Variants in TFEC observed in about 807,000 individuals in gnomAD.
TFEC encodes transcription factor EC.
A neutral mutation model predicts 41.6 loss-of-function variants in TFEC; 31 were observed. The observed-to-expected ratio is 0.74, with a 90% CI of 0.56 to 1.01. The LOEUF is 1.01. TFEC is among the 50% of genes least tolerant of loss of function. TFEC has a pLI of 0.00. For synonymous variants in TFEC, 143 were observed against 140.6 expected (o/e 1.02, Z -0.12); for missense variants, 402 against 404.1 (o/e 0.99, Z 0.04).
intron 3 of TFEC, among the ~76,000 whole-genome samples, chr7:116,090,601 C>T (rs1184300504): frequency 6.6e-6 from 1 of 152,000 alleles, no homozygotes; most frequent in Non-Finnish European, 1.5e-5. Context: ...AAAATGAGGT[C>T]CCGTCACTTA....
intron 1 of TFEC, among the ~76,000 whole-genome samples, chr7:116,126,864 A>C (rs996378887): frequency 2.0e-5 from 3 of 152,112 alleles, no homozygotes; most frequent in South Asian, 2.1e-4. Context: ...TGGGTACACA[A>C]AACAACCTGT....
intron 3 of TFEC, among the ~76,000 whole-genome samples, chr7:116,086,014 C>G (rs1046572653): frequency 1.3e-5 from 2 of 151,632 alleles, no homozygotes; most frequent in African/African-American, 4.8e-5. Context: ...TCTTTCAGAG[C>G]CTGTGGTTGT....
chr7:115,962,948 C>A (rs1792639370), intron 3 of TFEC, among the ~76,000 whole-genome samples: 1 of 151,832 alleles, frequency 6.6e-6, no homozygotes, highest in Non-Finnish European at 1.5e-5. Flanking sequence ...GTTTGCTGCA[C>A]CCATAAACTT....
intron 3 of TFEC, among the ~76,000 whole-genome samples, chr7:116,095,453 C>A (rs535099001): frequency 6.6e-6 from 1 of 152,148 alleles, no homozygotes; most frequent in Admixed American, 6.5e-5. Flanking sequence ...TACACATATA[C>A]ATACACACAT....
At chr7:116,099,511 C>T (rs12673240) in intron 3 of TFEC, among the ~76,000 whole-genome samples, 54,156 of 151,990 alleles carry the variant, frequency 0.36, 10,109 homozygotes, top group East Asian at 0.69. Context: ...TTTAAAATAA[C>T]TTCCACATTA....
intron 1 of TFEC, among the ~76,000 whole-genome samples, chr7:116,154,328 C>T (rs1381477348): frequency 1.3e-5 from 2 of 152,122 alleles, no homozygotes; most frequent in African/African-American, 4.8e-5. Context: ...TATCTCCATT[C>T]CTCACTTTCT....
At chr7:116,081,502 C>T (rs1797089408) in intron 3 of TFEC, among the ~76,000 whole-genome samples, 1 of 152,040 alleles carries the variant, frequency 6.6e-6, no homozygotes, top group South Asian at 2.1e-4. Flanking sequence ...GACCACTGCC[C>T]TGCCTTAGTT....
At chr7:116,100,943 T>C (rs979599002) in intron 3 of TFEC, among the ~76,000 whole-genome samples, 1 of 151,950 alleles carries the variant, frequency 6.6e-6, no homozygotes, top group Non-Finnish European at 1.5e-5. Flanking sequence ...CGGAAGCAAA[T>C]GTTTTTTTTT....
Position 116,123,216 on chromosome 7 carries a change from A to G in TFEC, c.-68-11178T>C, listed in dbSNP as rs1219391061. Among the ~76,000 whole-genome samples the G allele has an allele frequency of 2.0e-5, 3 of 152,156 alleles. No homozygotes were observed. In the East Asian group the frequency reaches 5.8e-4, roughly 29 times the overall value. ...CCAGCAAGATAACTGCACTTGAACA[A>G]GATGCATTGAAATTCAAAAATATTG... On this transcript the variant is annotated intron_variant, in intron 1 of 8. Transcript: ENST00000484212.
intron 3 of TFEC, among the ~76,000 whole-genome samples, chr7:115,969,666 A>G (rs1793042356): frequency 6.6e-6 from 1 of 151,978 alleles, no homozygotes; most frequent in Admixed American, 6.6e-5. Context: ...TTAAGCAAGG[A>G]GAAACAGGAT....
At chr7:116,063,665 C>A (rs910123883) in intron 3 of TFEC, among the ~76,000 whole-genome samples, 1 of 152,068 alleles carries the variant, frequency 6.6e-6, no homozygotes, top group Non-Finnish European at 1.5e-5. Flanking sequence ...TATTTACTAT[C>A]TTGATTGTGG....
intron 1 of TFEC, among the ~76,000 whole-genome samples, chr7:116,148,385 T>C (rs74650280): frequency 0.018 from 2,787 of 152,134 alleles, 92 homozygotes; most frequent in African/African-American, 0.063. Context: ...TTAGGAGACA[T>C]TGAAGTAATC....
chr7:116,151,675 G>A (rs76448749), intron 1 of TFEC, among the ~76,000 whole-genome samples: 4,455 of 151,894 alleles, frequency 0.029, 74 homozygotes, highest in Non-Finnish European at 0.046. Context: ...TCATTCAACA[G>A]GACAAATATG....
Position 116,104,049 on chromosome 7 carries a change from AATTACAGG to A in TFEC, c.198+6651_198+6658del, listed in dbSNP as rs545057134. Among the ~76,000 whole-genome samples the A allele has an allele frequency of 3.2e-3, 488 of 152,316 alleles. 3 individuals carry two copies. The highest frequency in any genetic ancestry group is 0.011 in the African/African-American group (471 of 41,568). Reference sequence around the variant, plus strand: ...GATAAGTAAAAGGAAATTATACTAAAATTACAGGTCAATAATAGTGAAGAAAAGGGAGA... The same window carrying A: ...GATAAGTAAAAGGAAATTATACTAAATCAATAATAGTGAAGAAAAGGGAGA... On this transcript the variant is annotated intron_variant, in intron 3 of 8. Coordinates refer to the TFEC transcript ENST00000484212.
rs71137145 is a variant in TFEC at position 115,999,844 on chromosome 7, CA to C, written c.-72-15332del. Among the ~76,000 whole-genome samples the C allele has an allele frequency of 4.4e-3, 571 of 131,170 alleles. 3 individuals are homozygous for C. The highest frequency in any genetic ancestry group is 6.2e-3 in the South Asian group (25 of 4,046). 86.1% of individuals were successfully genotyped at this position (131,170 alleles called of 152,430 possible). A position where few individuals can be genotyped will look rare whatever the true frequency, so the allele number is the denominator to read the frequency against. On this transcript the variant is annotated intron_variant, in intron 1 of 7. Coordinates refer to ENST00000265440, the MANE Select transcript of TFEC (RefSeq NM_012252.4). Reference sequence around the variant, plus strand: ...ATCAAAGCCATAATAAGTCTCCTAGCAAAAAAAAAAAAAAAGGCAATGGCTT... The same window carrying C: ...ATCAAAGCCATAATAAGTCTCCTAGCAAAAAAAAAAAAAAGGCAATGGCTT...
chr7:115,981,599 A>C (rs1169999988), intron 2 of TFEC, among the ~76,000 whole-genome samples: 1 of 152,200 alleles, frequency 6.6e-6, no homozygotes, highest in African/African-American at 2.4e-5. Context: ...ACAGACTAAA[A>C]GATAAGAAAA....
chr7:116,097,851 A>C (rs1438961875), intron 3 of TFEC, among the ~76,000 whole-genome samples: 3 of 152,266 alleles, frequency 2.0e-5, no homozygotes, highest in Non-Finnish European at 4.4e-5. Flanking sequence ...ATATGGACTC[A>C]GAAATAGTGT....
At chr7:116,092,457 A>T (rs1234987947) in intron 3 of TFEC, among the ~76,000 whole-genome samples, 1 of 152,046 alleles carries the variant, frequency 6.6e-6, no homozygotes, top group Non-Finnish European at 1.5e-5. Flanking sequence ...TAAAATAAAT[A>T]TGTTACCTGA....
Position 115,940,909 on chromosome 7 carries a change from G to A in TFEC, c.686C>T (p.Thr229Ile), listed in dbSNP as rs776300570. Residue 229 changes from threonine to isoleucine, a missense_variant, in exon 8 of 8, where the codon ACT (threonine) becomes ATT (isoleucine). Transcript: ENST00000265440. ...RIQELEIQARTHGLPTLASLG... is the reference protein window; with the variant it reads ...RIQELEIQARIHGLPTLASLG... ...TGAAGCCAGGGTTGGCAGACCATGA[G>A]TACGAGCCTGAATTTCTAGTTCCTG... 2.5e-6 allele frequency: 4 copies of A among 1,580,732 alleles called. No individual in the cohort carries two copies. In the South Asian group the frequency reaches 4.6e-5, roughly 18 times the overall value.
Sources: gnomAD v4.1 joint callset for allele counts (sites outside exome capture counted in the v4.1 genomes callset) on GRCh38, gnomAD v4.1.1 for gene constraint, MANE v1.5 for transcripts, NCBI Gene and HGNC (gene_info 2026-07-23, HGNC 2026-07-21) for gene names.